Variants in CAMK2B observed in about 807,000 individuals in gnomAD.
The protein encoded by CAMK2B is calcium/calmodulin-dependent protein kinase type II subunit beta.
Under a neutral mutation model 93.7 loss-of-function variants are expected in CAMK2B, and 27 were observed. The observed-to-expected ratio is 0.29, with a 90% confidence interval of 0.21 to 0.40. The LOEUF is 0.40. Among genes scored for constraint, CAMK2B ranks in the 10% least tolerant of loss-of-function variants. The probability of loss-of-function intolerance (pLI) is 1.00; values close to 1 mark genes in which losing one functional copy is unlikely to be tolerated. For missense variants in CAMK2B, 568 were observed against 895.8 expected, an observed-to-expected ratio of 0.63 and a Z score of 4.67; for synonymous variants, 374 against 358.8, an observed-to-expected ratio of 1.04 and a Z score of -0.48.
intron 12 of CAMK2B, 75 bp downstream of exon 12, chr7:44,240,632 G>T: frequency 6.6e-7 from 1 of 1,513,900 alleles, no homozygotes; most frequent in South Asian, 1.2e-5. Flanking sequence ...AGAGGCTGGT[G>T]AGGAAGGAGG....
In CAMK2B at chr7:44,248,762, A is replaced by C. The variant is rs2096753893; in HGVS notation, c.342-1570T>G. 6.6e-6 allele frequency among the ~76,000 whole-genome samples: 1 copy of C among 152,196 alleles called. No individual in the cohort carries two copies. The highest frequency in any genetic ancestry group is 1.5e-5 in the Non-Finnish European group (1 of 68,030). The stretch of plus-strand genomic sequence containing the variant: ...CTGTACAGCGTCAGCCATTGCATTA[A>C]AAAGTGAATCTGAGTTTCCTCCTGA... On this transcript the variant is annotated intron_variant, in intron 5 of 23. Transcript: ENST00000395749. This position sits in a 1 kb window ranked among gnomAD's most constrained non-coding sequence, Gnocchi z 4.1.
At chr7:44,228,973 G>A in intron 18 of CAMK2B, 49 bp from the exon 19 acceptor site, 1 of 1,599,224 alleles carries the variant, frequency 6.3e-7, no homozygotes, top group Non-Finnish European at 8.5e-7. Context: ...AGACACACGA[G>A]GCGGCGGCAA....
chr7:44,236,150 G>A (rs984604644), intron 13 of CAMK2B, among the ~76,000 whole-genome samples: 20 of 152,220 alleles, frequency 1.3e-4, no homozygotes, highest in African/African-American at 4.8e-4. Flanking sequence ...TGGAGATCAG[G>A]AGGCTGCACC....
At chr7:44,254,382 A>G (rs2096812201) in intron 5 of CAMK2B, among the ~76,000 whole-genome samples, 160 bp downstream of exon 5, 1 of 152,176 alleles carries the variant, frequency 6.6e-6, no homozygotes, top group African/African-American at 2.4e-5. Flanking sequence ...CGCTGAGGTT[A>G]CAAGTTTCCT....
intron 1 of CAMK2B, among the ~76,000 whole-genome samples, chr7:44,298,515 C>CA (rs1227685403): frequency 6.6e-6 from 1 of 151,518 alleles, no homozygotes; most frequent in Admixed American, 6.6e-5. Flanking sequence ...AAAGTGCAGG[C>CA]AACAAAAGAA....
intron 1 of CAMK2B, among the ~76,000 whole-genome samples, chr7:44,290,050 C>T (rs1356441992): frequency 6.6e-6 from 1 of 152,192 alleles, no homozygotes. Flanking sequence ...GGCATGCGCA[C>T]ACACACATGT....
intron 2 of CAMK2B, among the ~76,000 whole-genome samples, chr7:44,269,042 G>A (rs1042713147): frequency 6.6e-6 from 1 of 152,196 alleles, no homozygotes; most frequent in African/African-American, 2.4e-5. Flanking sequence ...GAGCTGTAGG[G>A]TCCCCTGAGC....
At chr7:44,234,969 T>G (rs1193969023) in intron 13 of CAMK2B, among the ~76,000 whole-genome samples, 1 of 152,214 alleles carries the variant, frequency 6.6e-6, no homozygotes, top group African/African-American at 2.4e-5. Flanking sequence ...CCCCTTGGCT[T>G]CTGGGCCACA....
chr7:44,295,558 T>C (rs1788061429), intron 1 of CAMK2B, among the ~76,000 whole-genome samples: 1 of 152,190 alleles, frequency 6.6e-6, no homozygotes, highest in Non-Finnish European at 1.5e-5. Context: ...AGTCTGAGAA[T>C]TAAGAATTCC....
intron 1 of CAMK2B, among the ~76,000 whole-genome samples, chr7:44,318,206 TA>T (rs1287909953): frequency 6.6e-6 from 1 of 152,192 alleles, no homozygotes; most frequent in African/African-American, 2.4e-5. Flanking sequence ...ATTAAGAAAT[TA>T]GCTGAAAGCT....
chr7:44,294,294 C>T lies in CAMK2B; in HGVS notation c.66-10069G>A, dbSNP rs147946251. Among the ~76,000 whole-genome samples the T allele has an allele frequency of 6.2e-3, 947 of 152,336 alleles. 14 individuals carry two copies. Among genetic ancestry groups the T allele is most frequent in the African/African-American group, 0.022 (906 of 41,578 alleles). ...ACAGGAGGCAGGACAAGGACACAGG[C>T]ATCCTGGGATGCATGCTGCTGATGG... On this transcript the variant is annotated intron_variant, in intron 1 of 23. Transcript: ENST00000395749.
chr7:44,220,574 G>A (rs2096387730), intron 22 of CAMK2B, 42 bp downstream of exon 22: 1 of 1,532,376 alleles, frequency 6.5e-7, no homozygotes, highest in African/African-American at 1.4e-5. Flanking sequence ...GGCTCTCCTG[G>A]GGGCACCGCC....
Position 44,234,416 on chromosome 7 carries a change from T to C in CAMK2B, c.1105A>G (p.Lys369Glu), listed in dbSNP as rs2096606705. ...TKNSAAATSP[K>E]GTLPPAALEP... ...AGGGCGGCAGGAGGAAGCGTCCCTT[T>C]GGGGCTGGTGGCGGCTGCACTGTTT... is the stretch of plus-strand genomic sequence containing the variant. The change falls in exon 15 of 24, where the codon AAA becomes GAA. Residue 369 changes from lysine to glutamate, a missense_variant. Lys to Glu is a moderately conservative substitution (Grantham distance 56). This residue lies in a region of CAMK2B where 308 missense variants were observed against 292.1 expected (regional missense o/e 1.05). Transcript: ENST00000395749. The C allele has an allele frequency of 1.3e-6, 2 of 1,542,464 alleles. No individual in the cohort carries two copies. The highest frequency in any genetic ancestry group is 1.4e-5 in the African/African-American group (1 of 72,168).
At chr7:44,308,557 C>A (rs1792584967) in intron 1 of CAMK2B, among the ~76,000 whole-genome samples, 1 of 152,160 alleles carries the variant, frequency 6.6e-6, no homozygotes, top group African/African-American at 2.4e-5. Flanking sequence ...CCCTTCAGAA[C>A]CACACTGCTG....
At chr7:44,223,463 G>T (rs577684425) in intron 20 of CAMK2B, among the ~76,000 whole-genome samples, 1 of 152,140 alleles carries the variant, frequency 6.6e-6, no homozygotes, top group African/African-American at 2.4e-5. Context: ...CAGCCACCAC[G>T]AGTCCCATTC....
chr7:44,242,203 C>T lies in CAMK2B; in HGVS notation c.819+15G>A. 6.2e-7 allele frequency: 1 copy of T among 1,608,662 alleles called. No individual in the cohort carries two copies. Among genetic ancestry groups the T allele is most frequent in the South Asian group, 1.1e-5 (1 of 90,430 alleles). On this transcript the variant is annotated intron_variant, in intron 10 of 23. Coordinates refer to ENST00000395749, the MANE Select transcript of CAMK2B (RefSeq NM_001220.5). Reference sequence around the variant, plus strand: ...AGGAGCCCCCTCCCCACCATGGGCACCAAGGGCGACTCACGCAGACCCACG... The same window carrying T: ...AGGAGCCCCCTCCCCACCATGGGCATCAAGGGCGACTCACGCAGACCCACG...
chr7:44,234,438 GT>G lies in CAMK2B; in HGVS notation c.1082del (p.Asn361ThrfsTer42). 3 of 1,556,800 alleles carry G rather than the reference GT, an allele frequency of 1.9e-6. No homozygotes were observed. Among genetic ancestry groups the G allele is most frequent in the Admixed American group, 2.1e-5 (1 of 47,556 alleles). On this transcript the variant is annotated frameshift_variant, in exon 15 of 24. Coordinates refer to ENST00000395749, the MANE Select transcript of CAMK2B (RefSeq NM_001220.5). LOFTEE classifies it high-confidence loss of function. ...GVKPQTNSTKNSAAATSPKGT... is the reference protein window; with the variant it reads ...GVKPQTNSTKXSAAATSPKGT... The stretch of plus-strand genomic sequence containing the variant: ...CTTTGGGGCTGGTGGCGGCTGCACT[GT>G]TTTTGGTGCTATTCGTCTGGGGCTG...
At chr7:44,234,813 C>A in intron 13 of CAMK2B, 137 bp from the exon 14 acceptor site, 1 of 895,662 alleles carries the variant, frequency 1.1e-6, no homozygotes, top group Non-Finnish European at 1.8e-6. Flanking sequence ...GTTCCAGCAC[C>A]CAGGCTGGCT....
chr7:44,234,231 C>T (rs2096604662), intron 15 of CAMK2B, among the ~76,000 whole-genome samples, 159 bp downstream of exon 15: 1 of 152,234 alleles, frequency 6.6e-6, no homozygotes, highest in Non-Finnish European at 1.5e-5. Context: ...CTCTCCACTT[C>T]ACCACCGGTG....
Sources: gnomAD v4.1 joint callset for allele counts (sites outside exome capture counted in the v4.1 genomes callset) on GRCh38, gnomAD v4.1.1 for gene constraint, gnomAD v4.1.1 regional missense constraint, Gnocchi (gnomAD v3.1) non-coding constraint, MANE v1.5 for transcripts, NCBI Gene and HGNC (gene_info 2026-07-23, HGNC 2026-07-21) for gene names.